FANCC: variants seen among roughly 807,000 people sequenced by gnomAD.
FANCC encodes Fanconi anemia group C protein.
Under a neutral mutation model 71.3 loss-of-function variants are expected in FANCC, and 55 were observed. The ratio of observed to expected loss-of-function variants is 0.77; its 90% CI spans 0.62 to 0.97. The LOEUF (loss-of-function observed/expected upper bound fraction) is 0.97. FANCC is among the 50% of genes least tolerant of loss of function. The pLI, the probability that FANCC is intolerant of heterozygous loss-of-function variation, is 0.00. For synonymous variants in FANCC, 275 were observed against 244.9 expected, an observed-to-expected ratio of 1.12 and a Z score of -1.15; for missense variants, 678 against 670.9, an observed-to-expected ratio of 1.01 and a Z score of -0.12.
At chr9:95,165,203 T>C (rs897735402) in intron 6 of FANCC, among the ~76,000 whole-genome samples, 1 of 151,816 alleles carries the variant, frequency 6.6e-6, no homozygotes, top group African/African-American at 2.4e-5. Context: ...TTTGCTGATC[T>C]TTACAAAAAC....
At chr9:95,248,463 T>C (rs527430040) in intron 2 of FANCC, among the ~76,000 whole-genome samples, 23 of 152,346 alleles carry the variant, frequency 1.5e-4, no homozygotes, top group Admixed American at 2.6e-4. Context: ...ATACAAATTA[T>C]TCTTCAAATT....
rs2071405674 is a variant in FANCC at position 95,105,863 on chromosome 9, T to C, written c.1533+1203A>G. ...TTGTGGGTACAGATCACACGGTGCA[T>C]TGCTTGTCCCTCTACAGGCGTTTAG... is the stretch of plus-strand genomic sequence containing the variant. On this transcript the variant is annotated intron_variant, in intron 14 of 14. Coordinates refer to ENST00000289081, the MANE Select transcript of FANCC (RefSeq NM_000136.3). Among the ~76,000 whole-genome samples the C allele has an allele frequency of 2.0e-5, 3 of 152,222 alleles. 1 individual carries two copies. Among genetic ancestry groups the C allele is most frequent in the South Asian group, 4.1e-4 (2 of 4,826 alleles).
intron 4 of FANCC, among the ~76,000 whole-genome samples, chr9:95,174,807 A>G (rs1244786995): frequency 1.3e-5 from 2 of 152,128 alleles, no homozygotes; most frequent in East Asian, 3.9e-4. Context: ...AGGGTGCCTC[A>G]GTGATGGGCA....
Position 95,162,558 on chromosome 9 carries a change from T to C in FANCC, c.521+8521A>G, listed in dbSNP as rs78589874. On this transcript the variant is annotated intron_variant, in intron 6 of 14. Coordinates refer to ENST00000289081, the MANE Select transcript of FANCC (RefSeq NM_000136.3). ...TGTTTTCCATAGTGACTGCACTAGT[T>C]TAACATTCCTAGCAACAGTGTACAA... is the stretch of plus-strand genomic sequence containing the variant. Among the ~76,000 whole-genome samples the C allele has an allele frequency of 3.3e-3, 507 of 152,330 alleles. 9 individuals carry two copies. The East Asian group carries it at 0.043, about 13-fold the overall frequency.
At position 95,205,562 on chromosome 9, in the gene FANCC, T is replaced by TA. The variant is rs553321518; in HGVS notation, c.346-33416dup. Among the ~76,000 whole-genome samples the TA allele has an allele frequency of 2.4e-3, 346 of 143,408 alleles. 2 individuals carry two copies. The highest frequency in any genetic ancestry group is 3.5e-3 in the Middle Eastern group (1 of 286). 94.1% of individuals were successfully genotyped at this position (143,408 alleles called of 152,430 possible). ...ATCTGTGTTTTTCCAAGTTTTTCTT[T>TA]AAAAAAAAAAAACACTTTCAGAGAA... On this transcript the variant is annotated intron_variant, in intron 4 of 14. Transcript: ENST00000289081.
At chr9:95,137,832 G>A (rs575248691) in intron 7 of FANCC, among the ~76,000 whole-genome samples, 8 of 152,334 alleles carry the variant, frequency 5.3e-5, no homozygotes, top group African/African-American at 1.7e-4. Flanking sequence ...ATCAGAGCAC[G>A]AGAAGATACA....
At chr9:95,270,773 G>C (rs540059948) in intron 1 of FANCC, among the ~76,000 whole-genome samples, 1 of 152,178 alleles carries the variant, frequency 6.6e-6, no homozygotes, top group Non-Finnish European at 1.5e-5. Context: ...GAGGTCCATT[G>C]GATTTTTTTA....
chr9:95,315,487 G>A (rs944303294), intron 1 of FANCC, among the ~76,000 whole-genome samples: 2 of 152,180 alleles, frequency 1.3e-5, no homozygotes, highest in Non-Finnish European at 2.9e-5. Context: ...GCTTCCCAAA[G>A]TGCTGGGATT....
intron 1 of FANCC, among the ~76,000 whole-genome samples, chr9:95,267,291 G>A (rs1305708427): frequency 1.3e-5 from 2 of 152,264 alleles, no homozygotes; most frequent in East Asian, 3.9e-4. Context: ...GCCTCCTATG[G>A]AGTGGCGGTC....
rs148176316 is a variant in FANCC, at chr9:95,197,568, A to G, written c.346-25421T>C. Among the ~76,000 whole-genome samples the G allele has an allele frequency of 5.1e-4, 77 of 152,200 alleles. 1 individual carries two copies. The highest frequency in any genetic ancestry group is 1.8e-3 in the African/African-American group (75 of 41,534). ...AAACAAACCCCAATATAATAAAGGA[A>G]CTGTATGGTAGTTATAGTTGAGACG... On this transcript the variant is annotated intron_variant, in intron 4 of 14. Coordinates refer to ENST00000289081, the MANE Select transcript of FANCC (RefSeq NM_000136.3).
intron 3 of FANCC, among the ~76,000 whole-genome samples, chr9:95,245,167 G>A (rs1011800583): frequency 5.3e-5 from 8 of 152,278 alleles, no homozygotes; most frequent in Admixed American, 6.5e-5. Context: ...AATGGGTACT[G>A]CTTTCAAATG....
At chr9:95,130,468 C>A (rs2135067407) in intron 8 of FANCC, among the ~76,000 whole-genome samples, 1 of 152,340 alleles carries the variant, frequency 6.6e-6, no homozygotes, top group South Asian at 2.1e-4. Flanking sequence ...TGCTTTCCAT[C>A]TATCACCTTT....
intron 1 of FANCC, among the ~76,000 whole-genome samples, chr9:95,303,773 G>T (rs955708759): frequency 1.3e-5 from 2 of 152,180 alleles, no homozygotes; most frequent in Non-Finnish European, 2.9e-5. Context: ...AGTCCCATTG[G>T]GGGTTACAGC....
rs762128721 is a variant in FANCC at position 95,263,531 on chromosome 9, GATATAGAT to G, written c.-78-14170_-78-14163del. Among the ~76,000 whole-genome samples the G allele has an allele frequency of 1.4e-3, 187 of 129,040 alleles. 1 individual carries two copies. The highest frequency in any genetic ancestry group is 8.1e-3 in the Middle Eastern group (2 of 246). 84.7% of individuals were successfully genotyped at this position (129,040 alleles called of 152,430 possible). A position where few individuals can be genotyped will look rare whatever the true frequency, so the allele number is the denominator to read the frequency against. On this transcript the variant is annotated intron_variant, in intron 1 of 14. Transcript: ENST00000289081. Reference sequence around the variant, plus strand: ...ATATATATATATCTATATATATATAGATATAGATAGATAGATAGATAGATAGATATTTA... The same window carrying G: ...ATATATATATATCTATATATATATAGAGATAGATAGATAGATAGATATTTA...
intron 1 of FANCC, among the ~76,000 whole-genome samples, chr9:95,266,765 T>C (rs1832406137): frequency 6.6e-6 from 1 of 152,216 alleles, no homozygotes; most frequent in Non-Finnish European, 1.5e-5. Context: ...CCTGCAAGCC[T>C]CAGACGGAGT....
chr9:95,170,637 C>CGTGTGT (rs3992109), intron 6 of FANCC, among the ~76,000 whole-genome samples: 12,325 of 124,210 alleles, frequency 0.099, 824 homozygotes, highest in East Asian at 0.21. Context: ...TTGTAAATAT[C>CGTGTGT]GTGTGTGTGT....
Position 95,110,572 on chromosome 9 carries a change from T to G in FANCC, c.1329+891A>C, listed in dbSNP as rs1588043769. Reference sequence around the variant, plus strand: ...TAAATTATCACCAAATTTCAACTTTTTAAAATCTAAAACTATTTTTCTTTC... The same window carrying G: ...TAAATTATCACCAAATTTCAACTTTGTAAAATCTAAAACTATTTTTCTTTC... On this transcript the variant is annotated intron_variant, in intron 13 of 14. Coordinates refer to ENST00000289081, the MANE Select transcript of FANCC (RefSeq NM_000136.3). The G allele has an allele frequency of 3.9e-6, 4 of 1,034,246 alleles. No individual in the cohort carries two copies. The East Asian group carries it at 2.4e-4, about 63-fold the overall frequency. The allele number at this position is 1,034,246 out of a possible 1,614,324, so 64.1% of individuals were successfully genotyped here. A position where few individuals can be genotyped will look rare whatever the true frequency, so the allele number is the denominator to read the frequency against.
intron 6 of FANCC, among the ~76,000 whole-genome samples, chr9:95,162,383 C>G (rs1021230528): frequency 6.6e-6 from 1 of 152,144 alleles, no homozygotes; most frequent in Non-Finnish European, 1.5e-5. Flanking sequence ...TTACTTCCAC[C>G]TCTTGGCTCT....
At chr9:95,238,405 C>T (rs1325212283) in intron 4 of FANCC, among the ~76,000 whole-genome samples, 2 of 151,658 alleles carry the variant, frequency 1.3e-5, no homozygotes, top group East Asian at 3.9e-4. Flanking sequence ...ATAAATCGGG[C>T]CCCCTTCTCC....
Sources: allele counts gnomAD v4.1 joint callset (sites outside exome capture counted in the v4.1 genomes callset), GRCh38; gene constraint gnomAD v4.1.1; transcripts MANE v1.5; gene names NCBI Gene and HGNC (gene_info 2026-07-23, HGNC 2026-07-21).